Variants in ALG10 observed in about 807,000 individuals in gnomAD.
ALG10 encodes dol-P-Glc:Glc(2)Man(9)GlcNAc(2)-PP-Dol alpha-1,2-glucosyltransferase A.
A neutral mutation model predicts 39.2 loss-of-function variants in ALG10; 25 were observed. The ratio of observed to expected loss-of-function variants is 0.64; its 90% CI spans 0.46 to 0.89. The LOEUF is 0.89. Ranked by LOEUF, ALG10 falls within the 40% of genes least tolerant of loss-of-function variation. The pLI, the probability that ALG10 is intolerant of heterozygous loss-of-function variation, is 0.00. For missense variants in ALG10, 486 were observed against 546.6 expected (o/e 0.89, Z 1.11); for synonymous variants, 184 against 193.9 (o/e 0.95, Z 0.42).
rs751356981 is a variant in ALG10, at chr12:34,024,101, G to A, written c.311G>A (p.Ser104Asn). 1.9e-6 allele frequency: 3 copies of A among 1,614,098 alleles called. No individual in the cohort carries two copies. Among genetic ancestry groups the A allele is most frequent in the South Asian group, 2.2e-5 (2 of 91,078 alleles). The change falls in exon 2 of 3, where the codon AGT (serine) becomes AAT (asparagine). Residue 104 changes from serine to asparagine, a missense_variant. Physicochemically the swap from Ser to Asn is conservative, Grantham distance 46. Coordinates refer to ENST00000266483, the MANE Select transcript of ALG10 (RefSeq NM_032834.4). ...GMLRFVNLLFSVGNFYLLYLL... is the reference protein window; with the variant it reads ...GMLRFVNLLFNVGNFYLLYLL... ...CTCAGATTTGTTAATCTTCTCTTCA[G>A]TGTTGGCAACTTCTATTTACTATAT...
chr12:34,026,297 A>G lies in ALG10; in HGVS notation c.804A>G (p.Val268=), dbSNP rs752858989. The G allele has an allele frequency of 3.1e-6, 5 of 1,614,092 alleles. No individual in the cohort carries two copies. Among genetic ancestry groups the G allele is most frequent in the Non-Finnish European group, 4.2e-6 (5 of 1,179,988 alleles). ...TGGGATTTCTGTTTTGTGCTTTTGT[A>G]GTAGTTAATGGTGGAATTGTTATTG... ...ILLGFLFCAF[V]VVNGGIVIGD... is the part of the protein sequence containing the mutation. The change falls in exon 3 of 3, where the codon GTA becomes GTG. Residue 268 remains valine, a synonymous_variant. Transcript: ENST00000266483.
rs144920895 is a variant in ALG10 at position 34,022,525 on chromosome 12, C to T, written c.-75C>T. On this transcript the variant is annotated 5_prime_UTR_variant, in exon 1 of 3. Transcript: ENST00000266483. ...CCGCCTAGCGCGCCCATTTCGAGCCCAAGTTTCCAGCTCGGGTTTCCAGGC... is the reference window on the plus strand; with the variant it reads ...CCGCCTAGCGCGCCCATTTCGAGCCTAAGTTTCCAGCTCGGGTTTCCAGGC... The T allele has an allele frequency of 7.0e-4, 1,126 of 1,612,500 alleles. 2 individuals are homozygous for T. The African/African-American group carries it at 0.013, about 19-fold the overall frequency.
chr12:34,025,794 C>T, intron 2 of ALG10, 69 bp from the exon 3 acceptor site: 1 of 1,569,286 alleles, frequency 6.4e-7, no homozygotes, highest in Non-Finnish European at 8.7e-7. Context: ...TAAATTTCTT[C>T]ATTAGGTAAG....
rs752458459 is a variant in ALG10, at chr12:34,025,953, G to A, written c.460G>A (p.Ala154Thr). ...TTTTAACTTCCTTTATTATACAGAA[G>A]CAGGATCTATGTTTTTTACTCTTTT... ...YFFNFLYYTE[A>T]GSMFFTLFAY... The change falls in exon 3 of 3, where the codon GCA becomes ACA. Residue 154 changes from alanine to threonine, a missense_variant. Ala to Thr is a moderately conservative substitution (Grantham distance 58). Coordinates refer to ENST00000266483, the MANE Select transcript of ALG10 (RefSeq NM_032834.4). The A allele has an allele frequency of 8.7e-6, 14 of 1,613,820 alleles. No homozygotes were observed. The Admixed American group carries it at 1.7e-4, about 19-fold the overall frequency.
Position 34,024,041 on chromosome 12 carries a change from G to C in ALG10, c.251G>C (p.Gly84Ala), listed in dbSNP as rs774843037. ...ATCAAACCTGCCATTTGGATCTTTGGATGGTCTGAACATGTTGTCTGCTCC... is the reference window on the plus strand; with the variant it reads ...ATCAAACCTGCCATTTGGATCTTTGCATGGTCTGAACATGTTGTCTGCTCC... ...GVIKPAIWIF[G>A]WSEHVVCSIG... Residue 84 changes from glycine (G) to alanine (A), a missense_variant, in exon 2 of 3, where the codon GGA becomes GCA. Coordinates refer to ENST00000266483, the MANE Select transcript of ALG10 (RefSeq NM_032834.4). 3 of 1,613,982 alleles carry C rather than the reference G, an allele frequency of 1.9e-6. No individual in the cohort carries two copies. Among genetic ancestry groups the C allele is most frequent in the Non-Finnish European group, 2.5e-6 (3 of 1,180,016 alleles).
Position 34,027,233 on chromosome 12 carries a change from A to G in ALG10, c.*318A>G, listed in dbSNP as rs377216041. The G allele has an allele frequency of 3.7e-5, 7 of 190,732 alleles. No homozygotes were observed. The highest frequency in any genetic ancestry group is 1.6e-4 in the African/African-American group (7 of 42,958). 11.8% of individuals were successfully genotyped at this position (190,732 alleles called of 1,614,324 possible). ...ATGTACAAGTTTATTAAAACTGGGT[A>G]TGCTTCATATTACTGGAATGAATTT... On this transcript the variant is annotated 3_prime_UTR_variant, in exon 3 of 3. Transcript: ENST00000266483.
intron 2 of ALG10, 129 bp from the exon 3 acceptor site, chr12:34,025,734 A>G: frequency 2.6e-6 from 3 of 1,157,004 alleles, no homozygotes; most frequent in Non-Finnish European, 3.7e-6. Flanking sequence ...TAAGATTAAT[A>G]TTGATTAATT....
At chr12:34,025,452 T>C (rs550147175) in intron 2 of ALG10, among the ~76,000 whole-genome samples, 1 of 152,324 alleles carries the variant, frequency 6.6e-6, no homozygotes, top group African/African-American at 2.4e-5. Flanking sequence ...AGGAAAGTGG[T>C]TCATTATGGC....
rs775257839 is a variant in ALG10, at chr12:34,027,485, G to A, written c.*570G>A. The A allele has an allele frequency of 8.5e-5, 13 of 152,534 alleles. No homozygotes were observed. Among genetic ancestry groups the A allele is most frequent in the Non-Finnish European group, 1.8e-4 (12 of 68,018 alleles). 9.4% of individuals were successfully genotyped at this position (152,534 alleles called of 1,614,324 possible). On this transcript the variant is annotated 3_prime_UTR_variant, in exon 3 of 3. Transcript: ENST00000266483. ...AAATGCATAGATAGTAAATGATAAA[G>A]TAGAGACTCATATATGCCTGTCTAG...
At position 34,025,999 on chromosome 12, in the gene ALG10, A is replaced by G. The variant is rs1299244406; in HGVS notation, c.506A>G (p.Tyr169Cys). ...CTTTTTGCGTATTTGATGTGTCTTT[A>G]TGGAAATCATAAAACTTCAGCCTTC... Reference protein sequence around the residue: ...FTLFAYLMCLYGNHKTSAFLG... With the variant: ...FTLFAYLMCLCGNHKTSAFLG... Residue 169 changes from tyrosine to cysteine, a missense_variant, in exon 3 of 3, where the codon TAT becomes TGT. Physicochemically the swap from Tyr to Cys is radical, Grantham distance 194. Coordinates refer to ENST00000266483, the MANE Select transcript of ALG10 (RefSeq NM_032834.4). 3 of 1,613,868 alleles carry G rather than the reference A, an allele frequency of 1.9e-6. No individual in the cohort carries two copies. The highest frequency in any genetic ancestry group is 2.5e-6 in the Non-Finnish European group (3 of 1,179,958).
rs1942848335 is a variant in ALG10 at position 34,027,574 on chromosome 12, TATGAA to T, written c.*663_*667del. ...ATGAAGCTCTTTCACTAATTCCTAATATGAAATGTATGATGGCCAAAGACAAATTG... is the reference window on the plus strand; with the variant it reads ...ATGAAGCTCTTTCACTAATTCCTAATATGTATGATGGCCAAAGACAAATTG... On this transcript the variant is annotated 3_prime_UTR_variant, in exon 3 of 3. Transcript: ENST00000266483. The T allele has an allele frequency of 6.6e-6, 1 of 152,524 alleles. No homozygotes were observed. Among genetic ancestry groups the T allele is most frequent in the Admixed American group, 6.5e-5 (1 of 15,284 alleles). The allele number at this position is 152,524 out of a possible 1,614,324, so 9.4% of individuals were successfully genotyped here.
chr12:34,026,881 CAA>C lies in ALG10; in HGVS notation c.1390_1391del (p.Asn464Ter), dbSNP rs1350682814. 1 of 1,613,384 alleles carries C rather than the reference CAA, an allele frequency of 6.2e-7. No individual in the cohort carries two copies. Among genetic ancestry groups the C allele is most frequent in the African/African-American group, 1.3e-5 (1 of 74,808 alleles). On this transcript the variant is annotated frameshift_variant, in exon 3 of 3. Transcript: ENST00000266483. LOFTEE classifies it high-confidence loss of function. Reference sequence around the variant, plus strand: ...TTTCTGAACAAGACTTTTCAGTGGCCAAATAGTCAGGACATTCAAAGGTTTAT... The same window carrying C: ...TTTCTGAACAAGACTTTTCAGTGGCCATAGTCAGGACATTCAAAGGTTTAT...
At chr12:34,024,673 C>T (rs1347908110) in intron 2 of ALG10, among the ~76,000 whole-genome samples, 1 of 152,110 alleles carries the variant, frequency 6.6e-6, no homozygotes, top group African/African-American at 2.4e-5. Context: ...TAGAATCTGC[C>T]TTATAGAACT....
chr12:34,025,497 G>C (rs73311487), intron 2 of ALG10, among the ~76,000 whole-genome samples: 6,904 of 152,186 alleles, frequency 0.045, 506 homozygotes, highest in African/African-American at 0.16. Flanking sequence ...TAAAACATAA[G>C]CTCAGGGAAA....
In ALG10 at chr12:34,024,207, C is replaced by T. The variant is rs750439031; in HGVS notation, c.369+48C>T. ...ACAAGTTTATGTGTAGTCAGGTCCA[C>T]AATTACAATGAATTAGTTTTATGAG... is the stretch of plus-strand genomic sequence containing the variant. On this transcript the variant is annotated intron_variant, in intron 2 of 2. Coordinates refer to ENST00000266483, the MANE Select transcript of ALG10 (RefSeq NM_032834.4). 1.8e-5 allele frequency: 28 copies of T among 1,584,520 alleles called. No homozygotes were observed. The Admixed American group carries it at 3.0e-4, about 17-fold the overall frequency.
Position 34,026,489 on chromosome 12 carries a change from C to T in ALG10, c.996C>T (p.Val332=). The T allele has an allele frequency of 6.2e-7, 1 of 1,613,690 alleles. No individual in the cohort carries two copies. Among genetic ancestry groups the T allele is most frequent in the Admixed American group, 1.7e-5 (1 of 59,940 alleles). ...RRILFFVVTL[V]SVFLVWKFTY... ...TTCTGTTTTTTGTGGTTACCTTAGTCTCTGTGTTTTTAGTTTGGAAATTCA... is the reference window on the plus strand; with the variant it reads ...TTCTGTTTTTTGTGGTTACCTTAGTTTCTGTGTTTTTAGTTTGGAAATTCA... Residue 332 remains valine, a synonymous_variant, in exon 3 of 3, where the codon GTC becomes GTT. Coordinates refer to ENST00000266483, the MANE Select transcript of ALG10 (RefSeq NM_032834.4).
In ALG10 at chr12:34,025,882, G is replaced by A. The variant is rs763081248; in HGVS notation, c.389G>A (p.Arg130Lys). 6 of 1,613,964 alleles carry A rather than the reference G, an allele frequency of 3.7e-6. No homozygotes were observed. Among genetic ancestry groups the A allele is most frequent in the Non-Finnish European group, 5.1e-6 (6 of 1,179,898 alleles). Residue 130 changes from arginine (R) to lysine (K), a missense_variant, in exon 3 of 3, where the codon AGA (arginine) becomes AAA (lysine). By Grantham distance (26) the Arg-to-Lys change is conservative. Coordinates refer to ENST00000266483, the MANE Select transcript of ALG10 (RefSeq NM_032834.4). ...TCCAAGGCTGCCTCAAGTATCCAGAGAGTCTTGTCAACATTAACACTAGCA... is the reference window on the plus strand; with the variant it reads ...TCCAAGGCTGCCTCAAGTATCCAGAAAGTCTTGTCAACATTAACACTAGCA... Reference protein sequence around the residue: ...PRNKAASSIQRVLSTLTLAVF... With the variant: ...PRNKAASSIQKVLSTLTLAVF...
chr12:34,024,129 G>T lies in ALG10; in HGVS notation c.339G>T (p.Leu113Phe), dbSNP rs1022633344. 2 of 1,614,006 alleles carry T rather than the reference G, an allele frequency of 1.2e-6. No homozygotes were observed. Among genetic ancestry groups the T allele is most frequent in the African/African-American group, 2.7e-5 (2 of 75,006 alleles). The change falls in exon 2 of 3, where the codon TTG becomes TTT. Residue 113 changes from leucine (L) to phenylalanine (F), a missense_variant. Coordinates refer to ENST00000266483, the MANE Select transcript of ALG10 (RefSeq NM_032834.4). Reference sequence around the variant, plus strand: ...TTGGCAACTTCTATTTACTATATTTGCTTTTCTGCAAGGTACAACCCAGAA... The same window carrying T: ...TTGGCAACTTCTATTTACTATATTTTCTTTTCTGCAAGGTACAACCCAGAA... ...FSVGNFYLLY[L>F]LFCKVQPRNK...
chr12:34,026,001 G>A lies in ALG10; in HGVS notation c.508G>A (p.Gly170Arg). 1.2e-6 allele frequency: 2 copies of A among 1,613,912 alleles called. No homozygotes were observed. The highest frequency in any genetic ancestry group is 1.1e-5 in the South Asian group (1 of 91,076). ...TTTTGCGTATTTGATGTGTCTTTATGGAAATCATAAAACTTCAGCCTTCCT... is the reference window on the plus strand; with the variant it reads ...TTTTGCGTATTTGATGTGTCTTTATAGAAATCATAAAACTTCAGCCTTCCT... The part of the protein sequence containing the change: ...TLFAYLMCLY[G>R]NHKTSAFLGF... The change falls in exon 3 of 3, where the codon GGA becomes AGA. Residue 170 changes from glycine to arginine, a missense_variant. By Grantham distance (125) the Gly-to-Arg change is moderately radical. Coordinates refer to ENST00000266483, the MANE Select transcript of ALG10 (RefSeq NM_032834.4).
Sources: allele counts gnomAD v4.1 joint callset (sites outside exome capture counted in the v4.1 genomes callset), GRCh38; gene constraint gnomAD v4.1.1; transcripts MANE v1.5; gene names NCBI Gene and HGNC (gene_info 2026-07-23, HGNC 2026-07-21).